CCSER1: variants seen among roughly 807,000 people sequenced by gnomAD.
The protein encoded by CCSER1 is serine-rich coiled-coil domain-containing protein 1.
CCSER1 carries 41 observed loss-of-function variants against 82.0 expected under a neutral mutation model. The ratio of observed to expected loss-of-function variants is 0.50; its 90% CI spans 0.39 to 0.65. The LOEUF is 0.65. CCSER1 is among the 30% of genes least tolerant of loss of function. The pLI is 0.00. For synonymous variants in CCSER1, 414 were observed against 383.9 expected (o/e 1.08, Z -0.92); for missense variants, 1,119 against 1,064.2 (o/e 1.05, Z -0.72).
intron 10 of CCSER1, among the ~76,000 whole-genome samples, chr4:91,564,638 A>T (rs1016401068): frequency 2.6e-5 from 4 of 151,744 alleles, no homozygotes; most frequent in Admixed American, 1.3e-4. Context: ...CATTTCTCTA[A>T]TCAGTGCTAC....
intron 10 of CCSER1, among the ~76,000 whole-genome samples, chr4:91,502,041 C>T (rs905858104): frequency 2.0e-5 from 3 of 152,074 alleles, no homozygotes; most frequent in Middle Eastern, 3.2e-3. Flanking sequence ...GATTGTATTG[C>T]GACTTAGAAC....
chr4:91,431,802 C>T (rs1754343185), intron 10 of CCSER1, among the ~76,000 whole-genome samples: 1 of 152,118 alleles, frequency 6.6e-6, no homozygotes, highest in Non-Finnish European at 1.5e-5. Context: ...GCATTCTATA[C>T]AATTGTCTAA....
chr4:91,496,739 G>C lies in CCSER1; in HGVS notation c.2218-101833G>C, dbSNP rs370186288. The stretch of plus-strand genomic sequence containing the variant: ...AATATATAGAATATATATATATATT[G>C]AATATATATTTGAATATATATATAT... On this transcript the variant is annotated intron_variant, in intron 10 of 10. Transcript: ENST00000509176. Among the ~76,000 whole-genome samples, 209 of 13,152 alleles carry C rather than the reference G, an allele frequency of 0.016. 54 individuals are homozygous for C. In the East Asian group the frequency reaches 0.35, roughly 22 times the overall value. The allele number at this position is 13,152 out of a possible 152,430, so 8.6% of individuals were successfully genotyped here. A position where few individuals can be genotyped will look rare whatever the true frequency, so the allele number is the denominator to read the frequency against.
intron 1 of CCSER1, among the ~76,000 whole-genome samples, chr4:90,235,684 G>C (rs1745650560): frequency 6.6e-6 from 1 of 152,128 alleles, no homozygotes; most frequent in African/African-American, 2.4e-5. Flanking sequence ...TTAACCAAGA[G>C]TGGTTTCAGT....
chr4:90,887,171 T>G (rs1351159209), intron 8 of CCSER1, among the ~76,000 whole-genome samples: 1 of 152,144 alleles, frequency 6.6e-6, no homozygotes, highest in Non-Finnish European at 1.5e-5. Context: ...GAATTAAGAT[T>G]TTCCAGATTC....
chr4:90,145,584 A>G (rs1468119202), intron 1 of CCSER1, among the ~76,000 whole-genome samples: 2 of 152,128 alleles, frequency 1.3e-5, no homozygotes, highest in African/African-American at 2.4e-5. Flanking sequence ...CTGTGTTTAT[A>G]GGAACTGGCT....
chr4:90,296,308 T>G (rs1197182281), intron 1 of CCSER1, among the ~76,000 whole-genome samples: 1 of 152,128 alleles, frequency 6.6e-6, no homozygotes, highest in African/African-American at 2.4e-5. Context: ...AAATGAGAAG[T>G]GTCTGTTCAT....
intron 5 of CCSER1, among the ~76,000 whole-genome samples, chr4:90,604,998 GCTCC>G (rs1784474207): frequency 8.4e-6 from 1 of 119,424 alleles, no homozygotes; most frequent in Non-Finnish European, 1.6e-5. Flanking sequence ...AACTGAGTGA[GCTCC>G]GCTTCCACGT....
chr4:90,552,911 A>G (rs534841301), intron 5 of CCSER1, among the ~76,000 whole-genome samples: 4 of 152,224 alleles, frequency 2.6e-5, no homozygotes, highest in African/African-American at 4.8e-5. Context: ...TATTTAACTT[A>G]AAGAGTAATC....
At chr4:90,196,712 A>G (rs1356966343) in intron 1 of CCSER1, among the ~76,000 whole-genome samples, 1 of 146,092 alleles carries the variant, frequency 6.8e-6, no homozygotes, top group Non-Finnish European at 1.5e-5. Context: ...TGTCTTATAC[A>G]TTCTATTGCT....
intron 4 of CCSER1, among the ~76,000 whole-genome samples, chr4:90,439,336 C>G (rs1416337447): frequency 6.6e-6 from 1 of 151,916 alleles, no homozygotes; most frequent in African/African-American, 2.4e-5. Context: ...AAAAAACCAG[C>G]CTTAGTAGTA....
At chr4:90,314,156 A>G (rs980440881) in intron 3 of CCSER1, among the ~76,000 whole-genome samples, 13 of 152,182 alleles carry the variant, frequency 8.5e-5, no homozygotes, top group African/African-American at 3.1e-4. Flanking sequence ...ATTTGTAACC[A>G]CAAAATAGCA....
At position 91,104,889 on chromosome 4, in the gene CCSER1, G is replaced by A. The variant is rs192913843; in HGVS notation, c.2217+18895G>A. On this transcript the variant is annotated intron_variant, in intron 10 of 10. Transcript: ENST00000509176. ...GATAGGATTAGAGCCCAGCCTAACAGCCTCATTTTATTTTTCTTTTTGGTA... is the reference window on the plus strand; with the variant it reads ...GATAGGATTAGAGCCCAGCCTAACAACCTCATTTTATTTTTCTTTTTGGTA... 1.1e-4 allele frequency among the ~76,000 whole-genome samples: 16 copies of A among 152,186 alleles called. 1 individual carries two copies. The East Asian group carries it at 2.3e-3, about 22-fold the overall frequency.
intron 10 of CCSER1, among the ~76,000 whole-genome samples, chr4:91,211,981 T>C (rs1581779538): frequency 6.6e-6 from 1 of 151,974 alleles, no homozygotes. Context: ...GGCTAACAGG[T>C]TTTTCAAATT....
intron 10 of CCSER1, among the ~76,000 whole-genome samples, chr4:91,233,626 C>T (rs901594941): frequency 6.6e-6 from 1 of 151,910 alleles, no homozygotes; most frequent in African/African-American, 2.4e-5. Flanking sequence ...TATTGTCTTA[C>T]ACAAAGGTTG....
intron 10 of CCSER1, among the ~76,000 whole-genome samples, chr4:91,291,264 T>C (rs1027642714): frequency 5.9e-5 from 9 of 151,948 alleles, no homozygotes; most frequent in African/African-American, 2.2e-4. Context: ...GTAAATATAA[T>C]TTAGATTTAG....
chr4:90,145,217 G>A (rs1395531868), intron 1 of CCSER1, among the ~76,000 whole-genome samples: 1 of 151,992 alleles, frequency 6.6e-6, no homozygotes, highest in African/African-American at 2.4e-5. Flanking sequence ...AAAAATCTCA[G>A]AGAAATAGGG....
intron 1 of CCSER1, among the ~76,000 whole-genome samples, chr4:90,285,080 G>A (rs1408424964): frequency 6.6e-6 from 1 of 152,016 alleles, no homozygotes; most frequent in African/African-American, 2.4e-5. Flanking sequence ...GTCAGGTAAT[G>A]CAATTGCTCC....
intron 10 of CCSER1, among the ~76,000 whole-genome samples, chr4:91,428,049 A>G (rs1365718338): frequency 6.6e-6 from 1 of 151,966 alleles, no homozygotes; most frequent in Non-Finnish European, 1.5e-5. Context: ...TTTCTGTTTC[A>G]TTATTTTCTA....
Sources: allele counts gnomAD v4.1 joint callset (sites outside exome capture counted in the v4.1 genomes callset), GRCh38; gene constraint gnomAD v4.1.1; transcripts MANE v1.5; gene names NCBI Gene and HGNC (gene_info 2026-07-23, HGNC 2026-07-21).